The following PTPRT variants were observed in gnomAD, a reference collection of about 807,000 sequenced individuals.
The protein encoded by PTPRT is protein tyrosine phosphatase receptor type T, also known as receptor-type tyrosine-protein phosphatase T.
PTPRT carries 56 observed loss-of-function variants against 176.8 expected under a neutral mutation model. The ratio of observed to expected loss-of-function variants is 0.32; its 90% CI spans 0.26 to 0.40. The LOEUF (loss-of-function observed/expected upper bound fraction) is 0.40. Ranked by LOEUF, PTPRT falls within the 10% of genes least tolerant of loss-of-function variation. PTPRT has a pLI of 1.00. For synonymous variants in PTPRT, 783 were observed against 739.0 expected, an observed-to-expected ratio of 1.06 and a Z score of -0.96; for missense variants, 1,540 against 1,908.2, an observed-to-expected ratio of 0.81 and a Z score of 3.60.
intron 2 of PTPRT, among the ~76,000 whole-genome samples, chr20:42,801,043 T>C (rs2077523526): frequency 6.6e-6 from 1 of 152,122 alleles, no homozygotes; most frequent in African/African-American, 2.4e-5. Flanking sequence ...CATCCATCTA[T>C]TTCTCAAAGA....
At chr20:42,213,204 G>A (rs1204495598) in intron 15 of PTPRT, among the ~76,000 whole-genome samples, 2 of 85,488 alleles carry the variant, frequency 2.3e-5, no homozygotes, top group South Asian at 5.1e-4. Flanking sequence ...AGCCCTCCAA[G>A]CAATTCTACT....
At chr20:42,155,334 C>T (rs538421986) in intron 17 of PTPRT, among the ~76,000 whole-genome samples, 2 of 152,340 alleles carry the variant, frequency 1.3e-5, no homozygotes, top group East Asian at 1.9e-4. Flanking sequence ...GAGCCCAAGG[C>T]CCTTGGCCAA....
intron 6 of PTPRT, among the ~76,000 whole-genome samples, chr20:42,733,355 A>G (rs2076491254): frequency 6.6e-6 from 1 of 152,196 alleles, no homozygotes; most frequent in Non-Finnish European, 1.5e-5. Flanking sequence ...ATCAGAACAC[A>G]TTACAGGAAG....
chr20:42,930,690 G>A (rs935752050), intron 1 of PTPRT, among the ~76,000 whole-genome samples: 14 of 151,934 alleles, frequency 9.2e-5, no homozygotes, highest in Admixed American at 3.3e-4. Context: ...ATGTTGCCCA[G>A]GCTGGTCTTG....
At chr20:42,150,885 C>G (rs1989096743) in intron 17 of PTPRT, among the ~76,000 whole-genome samples, 2 of 152,010 alleles carry the variant, frequency 1.3e-5, no homozygotes, top group Admixed American at 1.3e-4. Flanking sequence ...TACACTCTCC[C>G]AAAACTAATT....
intron 9 of PTPRT, among the ~76,000 whole-genome samples, chr20:42,368,598 A>G (rs2058545788): frequency 6.6e-6 from 1 of 152,128 alleles, no homozygotes; most frequent in Admixed American, 6.5e-5. Flanking sequence ...AAATCCCCCA[A>G]ATGTGAGGAA....
Position 42,109,373 on chromosome 20 carries a change from ATCC to A in PTPRT, c.3254+957_3254+959del, listed in dbSNP as rs1986815013. Among the ~76,000 whole-genome samples the A allele has an allele frequency of 2.0e-5, 3 of 152,222 alleles. No individual in the cohort carries two copies. In the South Asian group the frequency reaches 6.2e-4, roughly 31 times the overall value. ...GGCCAGCCTTCAGGTCAGGAAGGCC[ATCC>A]TCCTCCAATTCTGGACACCCTTGAC... On this transcript the variant is annotated intron_variant, in intron 23 of 30. Transcript: ENST00000373187.
At chr20:43,138,104 C>T (rs760286929) in intron 1 of PTPRT, among the ~76,000 whole-genome samples, 2 of 152,146 alleles carry the variant, frequency 1.3e-5, no homozygotes, top group African/African-American at 2.4e-5. Context: ...TGCAGAGCTC[C>T]AAGCATAGGG....
At chr20:42,538,258 G>C (rs1429119870) in intron 7 of PTPRT, among the ~76,000 whole-genome samples, 1 of 152,102 alleles carries the variant, frequency 6.6e-6, no homozygotes, top group Non-Finnish European at 1.5e-5. Context: ...CCAACAAAAG[G>C]TTCCAAGCTG....
At chr20:42,087,834 C>A (rs1326252030) in intron 27 of PTPRT, among the ~76,000 whole-genome samples, 2 of 132,480 alleles carry the variant, frequency 1.5e-5, no homozygotes, top group Admixed American at 9.0e-5. Flanking sequence ...GATCACGCCA[C>A]TGTACTCCAA....
At chr20:42,215,607 C>T (rs73268834) in intron 15 of PTPRT, among the ~76,000 whole-genome samples, 2,189 of 105,984 alleles carry the variant, frequency 0.021, 46 homozygotes, top group African/African-American at 0.059. Context: ...TTGCTCTATC[C>T]ATATCCTGCT....
chr20:42,149,949 TCA>T (rs1358254137), intron 17 of PTPRT, among the ~76,000 whole-genome samples: 2 of 152,172 alleles, frequency 1.3e-5, no homozygotes, highest in East Asian at 1.9e-4. Flanking sequence ...TGACCACAAG[TCA>T]CAGACTTCTT....
chr20:43,130,716 A>C (rs537283668), intron 1 of PTPRT, among the ~76,000 whole-genome samples: 2 of 152,224 alleles, frequency 1.3e-5, no homozygotes, highest in Admixed American at 1.3e-4. Flanking sequence ...ATGCTGAAAA[A>C]GAGGCCAAGG....
chr20:42,999,635 G>T (rs200137466), intron 1 of PTPRT, among the ~76,000 whole-genome samples: 30,063 of 150,188 alleles, frequency 0.2, 3,183 homozygotes, highest in Non-Finnish European at 0.23. Context: ...TTGTTGTTGT[G>T]GTGGTTGTTG....
At chr20:42,995,455 C>G (rs376438746) in intron 1 of PTPRT, among the ~76,000 whole-genome samples, 61 of 152,278 alleles carry the variant, frequency 4.0e-4, no homozygotes, top group Non-Finnish European at 7.2e-4. Flanking sequence ...CCAAGTGACA[C>G]ACCCAATTTA....
chr20:43,016,165 G>T (rs1294214252), intron 1 of PTPRT, among the ~76,000 whole-genome samples: 1 of 152,102 alleles, frequency 6.6e-6, no homozygotes, highest in Non-Finnish European at 1.5e-5. Flanking sequence ...GGGGACAGGG[G>T]GTATGGAGCA....
At chr20:42,273,494 C>T (rs559641449) in intron 13 of PTPRT, among the ~76,000 whole-genome samples, 54 of 152,304 alleles carry the variant, frequency 3.5e-4, no homozygotes, top group East Asian at 1.9e-3. Flanking sequence ...GAATTATAGG[C>T]GTGAGCCACC....
At chr20:42,190,704 GC>G (rs1281517741) in intron 16 of PTPRT, among the ~76,000 whole-genome samples, 2 of 152,182 alleles carry the variant, frequency 1.3e-5, no homozygotes, top group Non-Finnish European at 2.9e-5. Context: ...CCCAGGAGAT[GC>G]TGATGCTGCT....
the PTPRT span, among the ~76,000 whole-genome samples, chr20:42,054,628 G>A: frequency 6.6e-6 from 1 of 152,142 alleles, no homozygotes; most frequent in East Asian, 1.9e-4. Flanking sequence ...AGGCAGCAAG[G>A]GAGTTAGAAG....
Sources: gnomAD v4.1 joint callset for allele counts (sites outside exome capture counted in the v4.1 genomes callset) on GRCh38, gnomAD v4.1.1 for gene constraint, MANE v1.5 for transcripts, NCBI Gene and HGNC (gene_info 2026-07-23, HGNC 2026-07-21) for gene names.